Variants in CALCR observed in about 807,000 individuals in gnomAD.
The protein encoded by CALCR is calcitonin receptor.
A neutral mutation model predicts 59.5 loss-of-function variants in CALCR; 47 were observed. That is an observed-to-expected ratio of 0.79 (90% confidence interval 0.63 to 1.01). The LOEUF (loss-of-function observed/expected upper bound fraction) is 1.01. Ranked by LOEUF, CALCR falls within the 50% of genes least tolerant of loss-of-function variation. The pLI is 0.00. For missense variants in CALCR, 566 were observed against 597.1 expected (o/e 0.95, Z 0.54); for synonymous variants, 213 against 211.3 (o/e 1.01, Z -0.07).
Position 93,472,421 on chromosome 7 carries a change from C to T in CALCR, c.383G>A (p.Trp128Ter). 6.2e-7 allele frequency: 1 copy of T among 1,610,668 alleles called. No homozygotes were observed. The highest frequency in any genetic ancestry group is 8.5e-7 in the Non-Finnish European group (1 of 1,177,766). ...AGCATTGCACATAGTATAGTTGGAC[C>T]AGGTTCGATTGTTTTCAGGATGTTT... ...WFKHPENNRTWSNYTMCNAFT... is the reference protein window; with the variant it reads ...WFKHPENNRT Residue 128 changes from tryptophan to a stop codon, truncating the protein, a stop_gained, in exon 6 of 14, where the codon TGG (tryptophan) becomes TAG (stop). Transcript: ENST00000426151. LOFTEE classifies it high-confidence loss of function.
rs1801784226 is a variant in CALCR, at chr7:93,522,425, G to C, written c.-26-35418C>G. Among the ~76,000 whole-genome samples, 3 of 152,064 alleles carry C rather than the reference G, an allele frequency of 2.0e-5. No homozygotes were observed. In the South Asian group the frequency reaches 6.2e-4, roughly 32 times the overall value. ...TTTTTGGCCCTCTAGGTCCTTCAAG[G>C]GCTTTCAGAACTGGAGGTTGAGTGT... On this transcript the variant is annotated intron_variant, in intron 2 of 13. Transcript: ENST00000426151.
chr7:93,486,539 T>G (rs368082955), intron 3 of CALCR, among the ~76,000 whole-genome samples: 3 of 151,490 alleles, frequency 2.0e-5, no homozygotes, highest in Non-Finnish European at 3.0e-5. Flanking sequence ...TTAAAAGGAT[T>G]GAACAGCCCA....
intron 13 of CALCR, among the ~76,000 whole-genome samples, chr7:93,428,099 G>A (rs1360103394): frequency 6.6e-6 from 1 of 152,164 alleles, no homozygotes; most frequent in African/African-American, 2.4e-5. Flanking sequence ...AACTTTAAGT[G>A]CTAAGGAATA....
chr7:93,502,020 G>GTTTATCAAGAAACTCTGTCTGTTATCCT (rs1801330261), intron 2 of CALCR, among the ~76,000 whole-genome samples: 1 of 152,048 alleles, frequency 6.6e-6, no homozygotes, highest in African/African-American at 2.4e-5. Context: ...GAAACCTAAT[G>GTTTATCAAGAAACTCTGTCTGTTATCCT]TTTATCAAGA....
chr7:93,568,513 C>T (rs1179208070), intron 2 of CALCR, among the ~76,000 whole-genome samples: 1 of 37,118 alleles, frequency 2.7e-5, no homozygotes, highest in Non-Finnish European at 6.7e-5. Flanking sequence ...ATTACTTTCT[C>T]TCTCTCTCTC....
chr7:93,519,756 A>G (rs13231861), intron 2 of CALCR, among the ~76,000 whole-genome samples: 49,859 of 151,714 alleles, frequency 0.33, 9,977 homozygotes, highest in Non-Finnish European at 0.45. Flanking sequence ...TCCCCATGCT[A>G]TTCTCATGAC....
At chr7:93,561,911 T>C (rs1036105963) in intron 2 of CALCR, among the ~76,000 whole-genome samples, 9 of 150,678 alleles carry the variant, frequency 6.0e-5, no homozygotes, top group Non-Finnish European at 1.2e-4. Flanking sequence ...GTGAGCTCTG[T>C]AGTTAGGTAT....
chr7:93,448,717 A>G (rs1399168832), intron 8 of CALCR, among the ~76,000 whole-genome samples: 1 of 151,990 alleles, frequency 6.6e-6, no homozygotes, highest in Non-Finnish European at 1.5e-5. Context: ...TATTAATATT[A>G]AATAATCTAC....
At chr7:93,437,471 GA>G (rs1419414783) in intron 11 of CALCR, among the ~76,000 whole-genome samples, 2 of 152,052 alleles carry the variant, frequency 1.3e-5, no homozygotes, top group Admixed American at 1.3e-4. Context: ...AAAATCAGGG[GA>G]CATTTTTAGG....
chr7:93,509,789 A>C (rs531587507), intron 2 of CALCR, among the ~76,000 whole-genome samples: 1 of 152,146 alleles, frequency 6.6e-6, no homozygotes, highest in Admixed American at 6.5e-5. Flanking sequence ...TGACAATACT[A>C]TATTATGAAA....
At position 93,540,817 on chromosome 7, in the gene CALCR, T is replaced by G. The variant is rs949590329; in HGVS notation, c.-27+33472A>C. ...TAAAAAGTTATACATCTTTATTATA[T>G]TTAAGTGGTAGAAACAGAGAATGGG... On this transcript the variant is annotated intron_variant, in intron 2 of 13. Coordinates refer to ENST00000426151, the MANE Select transcript of CALCR (RefSeq NM_001742.4). 9.3e-5 allele frequency among the ~76,000 whole-genome samples: 14 copies of G among 150,470 alleles called. No individual in the cohort carries two copies. In the East Asian group the frequency reaches 2.6e-3, roughly 27 times the overall value.
chr7:93,431,074 T>C (rs532596437), intron 13 of CALCR, among the ~76,000 whole-genome samples: 3 of 152,228 alleles, frequency 2.0e-5, no homozygotes, highest in Non-Finnish European at 2.9e-5. Flanking sequence ...GAATATGATA[T>C]AGGTAGAGAC....
At chr7:93,457,629 C>T (rs1800235099) in intron 8 of CALCR, among the ~76,000 whole-genome samples, 1 of 152,170 alleles carries the variant, frequency 6.6e-6, no homozygotes, top group Non-Finnish European at 1.5e-5. Context: ...CTGCTCCGTA[C>T]AGAGAGTAAC....
intron 2 of CALCR, among the ~76,000 whole-genome samples, chr7:93,496,313 G>T (rs932299132): frequency 1.3e-5 from 2 of 151,402 alleles, no homozygotes; most frequent in African/African-American, 4.8e-5. Context: ...GTACGAAAAA[G>T]ACCCCTTTGA....
At chr7:93,531,329 G>C (rs1788828460) in intron 2 of CALCR, among the ~76,000 whole-genome samples, 1 of 152,008 alleles carries the variant, frequency 6.6e-6, no homozygotes, top group African/African-American at 2.4e-5. Context: ...CGGAACCTGG[G>C]CTGAGTTGTT....
intron 2 of CALCR, among the ~76,000 whole-genome samples, chr7:93,517,635 TA>T (rs1159878965): frequency 1.3e-5 from 2 of 151,932 alleles, no homozygotes; most frequent in Non-Finnish European, 2.9e-5. Context: ...ACATTGAAGC[TA>T]TCAAAACTTT....
Position 93,451,096 on chromosome 7 carries a change from A to G in CALCR, c.649-7339T>C, listed in dbSNP as rs959133085. On this transcript the variant is annotated intron_variant, in intron 8 of 13. Coordinates refer to ENST00000426151, the MANE Select transcript of CALCR (RefSeq NM_001742.4). ...ATGTTAATGCCTTTCTGGTCTTGAG[A>G]TAATCCTCAAATAAAATATTTAAAA... Among the ~76,000 whole-genome samples the G allele has an allele frequency of 2.6e-5, 4 of 151,634 alleles. No homozygotes were observed. The East Asian group carries it at 7.8e-4, about 30-fold the overall frequency.
intron 6 of CALCR, 90 bp from the exon 7 acceptor site, chr7:93,468,896 C>T: frequency 3.1e-6 from 2 of 644,280 alleles, no homozygotes; most frequent in East Asian, 3.2e-5. Context: ...TGTAAATCAA[C>T]AAATGTTTTC....
chr7:93,500,312 C>T (rs1373858184), intron 2 of CALCR, among the ~76,000 whole-genome samples: 15 of 151,896 alleles, frequency 9.9e-5, no homozygotes, highest in Non-Finnish European at 4.4e-5. Flanking sequence ...TTCTCTTAGT[C>T]ACCTTTAACA....
Sources: gnomAD v4.1 joint callset for allele counts (sites outside exome capture counted in the v4.1 genomes callset) on GRCh38, gnomAD v4.1.1 for gene constraint, MANE v1.5 for transcripts, NCBI Gene and HGNC (gene_info 2026-07-23, HGNC 2026-07-21) for gene names.